The following STK33 variants were observed in gnomAD, a reference collection of about 807,000 sequenced individuals.
STK33 encodes the protein serine/threonine kinase 33, also known as serine/threonine-protein kinase 33.
In STK33, 52 loss-of-function variants were observed where a neutral mutation model predicts 58.0. The observed-to-expected ratio is 0.90, with a 90% confidence interval of 0.72 to 1.13. The LOEUF is 1.13. STK33 is among the 50% of genes most tolerant of loss of function. The probability of loss-of-function intolerance (pLI) is 0.00; values close to 1 mark genes in which losing one functional copy is unlikely to be tolerated. For missense variants in STK33, 630 were observed against 604.2 expected (o/e 1.04, Z -0.45); for synonymous variants, 215 against 200.1 (o/e 1.07, Z -0.63).
At chr11:8,491,233 G>T (rs936895985) in intron 1 of STK33, among the ~76,000 whole-genome samples, 7 of 152,174 alleles carry the variant, frequency 4.6e-5, no homozygotes, top group Non-Finnish European at 1.0e-4. Flanking sequence ...AATAAACAGT[G>T]TAGAAAAGAA....
chr11:8,362,418 A>T, the STK33 span, among the ~76,000 whole-genome samples: 1 of 152,196 alleles, frequency 6.6e-6, no homozygotes, highest in African/African-American at 2.4e-5. Context: ...ATGATGTCTA[A>T]TGCCCACACA....
chr11:8,470,283 C>T (rs991903386), intron 6 of STK33, among the ~76,000 whole-genome samples: 5 of 152,234 alleles, frequency 3.3e-5, no homozygotes, highest in Admixed American at 3.3e-4. Context: ...GAGACAGCTA[C>T]TTTCTTTAAA....
intron 1 of STK33, among the ~76,000 whole-genome samples, chr11:8,552,608 C>T (rs551327567): frequency 6.6e-6 from 1 of 151,840 alleles, no homozygotes; most frequent in South Asian, 2.1e-4. Context: ...TTTAAACTTT[C>T]TTGTTAAAAA....
the STK33 span, among the ~76,000 whole-genome samples, chr11:8,364,447 C>T: frequency 2.0e-5 from 3 of 152,182 alleles, no homozygotes; most frequent in Admixed American, 1.3e-4. Flanking sequence ...TGGCAGATGC[C>T]CAGTGTCCAA....
Position 8,454,695 on chromosome 11 carries a change from G to T in STK33, c.786+49C>A, listed in dbSNP as rs111779984. The T allele has an allele frequency of 1.8e-5, 27 of 1,519,414 alleles. No individual in the cohort carries two copies. In the African/African-American group the frequency reaches 3.2e-4, roughly 18 times the overall value. 94.1% of individuals were successfully genotyped at this position (1,519,414 alleles called of 1,614,324 possible). On this transcript the variant is annotated intron_variant, in intron 10 of 15. Transcript: ENST00000687296. The stretch of plus-strand genomic sequence containing the variant: ...AAAAGAGGATGTACTTTGCCACTTT[G>T]CTATCAAACTGTTTACAGGCAAATA...
chr11:8,436,858 T>C (rs1453999585), intron 12 of STK33, among the ~76,000 whole-genome samples: 1 of 152,128 alleles, frequency 6.6e-6, no homozygotes, highest in East Asian at 1.9e-4. Flanking sequence ...CCACCTCACC[T>C]GGCTAGTTTT....
At chr11:8,376,246 A>G in the STK33 span, among the ~76,000 whole-genome samples, 2 of 152,296 alleles carry the variant, frequency 1.3e-5, no homozygotes, top group South Asian at 4.1e-4. Flanking sequence ...GGCAGAAGTG[A>G]CTATGACTTT....
chr11:8,392,257 T>C lies in STK33; in HGVS notation c.*253A>G. ...TCTGCCCCCCTAAAAAACCTTCGTG[T>C]ACATCTTGAGTTGATTTCCACTGCA... On this transcript the variant is annotated 3_prime_UTR_variant, in exon 16 of 16. Coordinates refer to ENST00000687296, the MANE Select transcript of STK33 (RefSeq NM_001352389.2). The C allele has an allele frequency of 3.9e-6, 2 of 507,754 alleles. No homozygotes were observed. Among genetic ancestry groups the C allele is most frequent in the South Asian group, 6.1e-5 (2 of 32,894 alleles). The allele number at this position is 507,754 out of a possible 1,614,324, so 31.5% of individuals were successfully genotyped here.
chr11:8,550,765 T>C (rs1956247985), intron 1 of STK33, among the ~76,000 whole-genome samples: 1 of 152,216 alleles, frequency 6.6e-6, no homozygotes, highest in African/African-American at 2.4e-5. Context: ...TTCAGCATTT[T>C]GGGCAAAGAA....
At chr11:8,574,318 G>A (rs1398193190) in intron 1 of STK33, among the ~76,000 whole-genome samples, 2 of 152,120 alleles carry the variant, frequency 1.3e-5, no homozygotes, top group African/African-American at 2.4e-5. Flanking sequence ...GAGGGAGGAT[G>A]GTTGAAGCGT....
intron 1 of STK33, among the ~76,000 whole-genome samples, chr11:8,537,889 T>TA (rs1365609552): frequency 3.0e-3 from 391 of 129,936 alleles, no homozygotes; most frequent in Middle Eastern, 9.8e-3. Flanking sequence ...TTTTCTTGAG[T>TA]AAAAAAAAAA....
chr11:8,351,159 C>T, the STK33 span, among the ~76,000 whole-genome samples: 7 of 152,120 alleles, frequency 4.6e-5, no homozygotes, highest in Admixed American at 6.5e-5. Context: ...CACCTCCCCC[C>T]GAAACCAAAC....
chr11:8,396,846 C>T (rs1016810962), intron 15 of STK33, among the ~76,000 whole-genome samples: 2 of 152,214 alleles, frequency 1.3e-5, no homozygotes, highest in African/African-American at 4.8e-5. Flanking sequence ...GTCCTACACC[C>T]ATGGAGCCTC....
At chr11:8,350,506 G>T in the STK33 span, among the ~76,000 whole-genome samples, 1 of 152,116 alleles carries the variant, frequency 6.6e-6, no homozygotes, top group Admixed American at 6.6e-5. Context: ...AAGCTCAGGG[G>T]GTGACAGCTC....
At chr11:8,389,959 G>T (rs1375471551), downstream of STK33, among the ~76,000 whole-genome samples, 1 of 152,124 alleles carries the variant, frequency 6.6e-6, no homozygotes, top group African/African-American at 2.4e-5. Flanking sequence ...CCTCAGACTG[G>T]CCTGGAACAA....
intron 1 of STK33, among the ~76,000 whole-genome samples, chr11:8,586,218 GAAAAA>G (rs142885342): frequency 2.0e-5 from 2 of 101,918 alleles, no homozygotes; most frequent in East Asian, 2.8e-4. Flanking sequence ...TCCTATCTCG[GAAAAA>G]AAAAAAAAAA....
intron 10 of STK33, among the ~76,000 whole-genome samples, chr11:8,453,951 C>T (rs1473315546): frequency 6.6e-6 from 1 of 152,170 alleles, no homozygotes; most frequent in Non-Finnish European, 1.5e-5. Context: ...CTTTGGAGAG[C>T]ATCTATTCCT....
chr11:8,351,220 C>G, the STK33 span, among the ~76,000 whole-genome samples: 43 of 152,276 alleles, frequency 2.8e-4, no homozygotes, highest in African/African-American at 8.4e-4. Flanking sequence ...AGCTGGAAGC[C>G]TTATTTGACC....
chr11:8,360,658 C>T, the STK33 span, among the ~76,000 whole-genome samples: 7 of 152,198 alleles, frequency 4.6e-5, no homozygotes, highest in South Asian at 2.1e-4. Context: ...CCTGCTATTG[C>T]GGCTGCAGGA....
Sources: allele counts gnomAD v4.1 joint callset (sites outside exome capture counted in the v4.1 genomes callset), GRCh38; gene constraint gnomAD v4.1.1; transcripts MANE v1.5; gene names NCBI Gene and HGNC (gene_info 2026-07-23, HGNC 2026-07-21).